The following IFT140 variants were observed in gnomAD, a reference collection of about 807,000 sequenced individuals.
IFT140 encodes intraflagellar transport protein 140 homolog.
Under a neutral mutation model 164.6 loss-of-function variants are expected in IFT140, and 133 were observed. That is an observed-to-expected ratio of 0.81 (90% CI 0.70 to 0.93). IFT140 has a LOEUF of 0.93. Ranked by LOEUF, IFT140 falls within the 40% of genes least tolerant of loss-of-function variation. The pLI is 0.00. For missense variants in IFT140, 2,045 were observed against 1,972.3 expected, an observed-to-expected ratio of 1.04 and a Z score of -0.70; for synonymous variants, 860 against 817.3, an observed-to-expected ratio of 1.05 and a Z score of -0.89.
chr16:1,535,049 A>G (rs779964438), intron 19 of IFT140, among the ~76,000 whole-genome samples: 43 of 151,176 alleles, frequency 2.8e-4, no homozygotes, highest in Non-Finnish European at 5.9e-4. Flanking sequence ...TCTGAACATA[A>G]AAAAAAAATG....
chr16:1,529,370 G>C (rs1006708704), intron 19 of IFT140, among the ~76,000 whole-genome samples: 2 of 152,218 alleles, frequency 1.3e-5, no homozygotes, highest in Admixed American at 6.5e-5. Context: ...CATTGCATGC[G>C]TGTCCTCTGA....
chr16:1,533,946 A>G lies in IFT140; in HGVS notation c.2400-7150T>C. ...TCCACTGCTGCAGGCGAGAAGAGGC[A>G]CGCGCGGCACAGGCCGGCCTCCGCT... On this transcript the variant is annotated intron_variant, in intron 19 of 30. Transcript: ENST00000426508. The surrounding 1 kb of genome is among the most constrained non-coding windows in gnomAD (Gnocchi z 4.7). 2.6e-6 allele frequency: 1 copy of G among 385,404 alleles called. No individual in the cohort carries two copies. The highest frequency in any genetic ancestry group is 4.7e-6 in the Non-Finnish European group (1 of 214,408). 23.9% of individuals were successfully genotyped at this position (385,404 alleles called of 1,614,324 possible).
At chr16:1,574,641 C>T (rs2034185888) in intron 13 of IFT140, among the ~76,000 whole-genome samples, 2 of 152,182 alleles carry the variant, frequency 1.3e-5, no homozygotes, top group South Asian at 4.2e-4. Context: ...AAAATGTACC[C>T]TGTCACTCCT....
intron 19 of IFT140, among the ~76,000 whole-genome samples, chr16:1,539,249 C>T (rs906719123): frequency 9.2e-5 from 14 of 151,610 alleles, no homozygotes; most frequent in South Asian, 2.1e-4. Flanking sequence ...CCAAGCCACA[C>T]GGTGCCAAGC....
chr16:1,516,818 G>T (rs1214786205), intron 30 of IFT140, among the ~76,000 whole-genome samples: 1 of 151,092 alleles, frequency 6.6e-6, no homozygotes, highest in African/African-American at 2.4e-5. Context: ...AGGAAAAAAG[G>T]TTTAAAGTAA....
At chr16:1,599,340 G>A (rs1322204263) in intron 4 of IFT140, among the ~76,000 whole-genome samples, 14 of 61,308 alleles carry the variant, frequency 2.3e-4, no homozygotes, top group Admixed American at 3.1e-4. Context: ...GTCAGCCCCC[G>A]CCAGGCCAGC....
chr16:1,561,067 G>A (rs889005016), intron 18 of IFT140, among the ~76,000 whole-genome samples: 1 of 152,348 alleles, frequency 6.6e-6, no homozygotes, highest in South Asian at 2.1e-4. Context: ...CAGCTGGGAC[G>A]TGAGTCTGAG....
intron 19 of IFT140, among the ~76,000 whole-genome samples, chr16:1,538,426 C>A (rs959179841): frequency 6.6e-6 from 1 of 152,226 alleles, no homozygotes; most frequent in African/African-American, 2.4e-5. Flanking sequence ...CACAACTACA[C>A]GTGCAGCTGT....
rs201338118 is a variant in IFT140 at position 1,525,449 on chromosome 16, G to GCA, written c.2769-124_2769-123insTG. The GCA allele has an allele frequency of 2.2e-3, 1,646 of 743,772 alleles. 14 individuals are homozygous for GCA. The African/African-American group carries it at 0.025, about 12-fold the overall frequency. 46.1% of individuals were successfully genotyped at this position (743,772 alleles called of 1,614,324 possible). A position where few individuals can be genotyped will look rare whatever the true frequency, so the allele number is the denominator to read the frequency against. ...GGTGGCCCTCGGGGTGTGTGCTCCT[G>GCA]GCCTGCAGCTCTGCAGACCCTGAGC... On this transcript the variant is annotated intron_variant, in intron 21 of 30. Transcript: ENST00000426508.
At chr16:1,518,381 T>A in intron 29 of IFT140, 24 bp from the exon 30 acceptor site, 2 of 1,604,260 alleles carry the variant, frequency 1.2e-6, no homozygotes, top group Non-Finnish European at 1.7e-6. Context: ...AGATGAGGCC[T>A]GGGCCCCGAA....
intron 19 of IFT140, 141 bp from the exon 20 acceptor site, chr16:1,526,937 G>A (rs979334445): frequency 5.5e-5 from 51 of 922,444 alleles, no homozygotes; most frequent in Middle Eastern, 3.4e-4. Flanking sequence ...CATCGGCTCC[G>A]CCCCTGGGCA....
intron 13 of IFT140, chr16:1,579,248 C>T (rs2034431815): frequency 1.3e-5 from 2 of 152,048 alleles, no homozygotes; most frequent in African/African-American, 4.8e-5. Context: ...TCGAGCTCTT[C>T]ATCCTCATCA....
intron 18 of IFT140, among the ~76,000 whole-genome samples, chr16:1,559,864 T>C (rs1387426088): frequency 6.6e-6 from 1 of 152,170 alleles, no homozygotes; most frequent in East Asian, 1.9e-4. Flanking sequence ...GTGAAGCAAA[T>C]GACACACGAC....
intron 19 of IFT140, chr16:1,534,408 C>T (rs2030841555): frequency 6.2e-7 from 1 of 1,612,596 alleles, no homozygotes; most frequent in Admixed American, 1.7e-5. Flanking sequence ...CAGCGTGGGG[C>T]TGTGGAGGTC....
intron 19 of IFT140, among the ~76,000 whole-genome samples, chr16:1,549,516 C>G (rs1461033343): frequency 6.6e-6 from 1 of 152,226 alleles, no homozygotes; most frequent in Admixed American, 6.5e-5. Context: ...GCCGCAAGCT[C>G]TGCCTCCCGG....
At chr16:1,576,436 A>C (rs1186948308) in intron 13 of IFT140, among the ~76,000 whole-genome samples, 2 of 150,622 alleles carry the variant, frequency 1.3e-5, no homozygotes, top group Non-Finnish European at 3.0e-5. Context: ...CTAAAAATAC[A>C]AAAAAAATAG....
At chr16:1,582,041 T>C (rs1180465636) in intron 12 of IFT140, among the ~76,000 whole-genome samples, 2 of 151,720 alleles carry the variant, frequency 1.3e-5, no homozygotes, top group Non-Finnish European at 2.9e-5. Context: ...CGCGGCCTCC[T>C]GTGTGGGCAG....
At chr16:1,575,375 T>TA (rs369621920) in intron 13 of IFT140, among the ~76,000 whole-genome samples, 26 of 148,338 alleles carry the variant, frequency 1.8e-4, no homozygotes, top group African/African-American at 5.7e-4. Flanking sequence ...ATCTTATCTG[T>TA]AAAAAAATAA....
At chr16:1,588,293 A>C (rs1338847655) in intron 7 of IFT140, among the ~76,000 whole-genome samples, 1 of 152,162 alleles carries the variant, frequency 6.6e-6, no homozygotes, top group East Asian at 1.9e-4. Flanking sequence ...TGGGAGGCCG[A>C]GGCAGGCGGA....
Sources: gnomAD v4.1 joint callset for allele counts (sites outside exome capture counted in the v4.1 genomes callset) on GRCh38, gnomAD v4.1.1 for gene constraint, Gnocchi (gnomAD v3.1) non-coding constraint, MANE v1.5 for transcripts, NCBI Gene and HGNC (gene_info 2026-07-23, HGNC 2026-07-21) for gene names.